Variants in KLF12 observed in about 807,000 individuals in gnomAD.
KLF12 encodes Krueppel-like factor 12.
A neutral mutation model predicts 37.8 loss-of-function variants in KLF12; 9 were observed. The observed-to-expected ratio is 0.24, with a 90% confidence interval of 0.14 to 0.42. The LOEUF (loss-of-function observed/expected upper bound fraction) is 0.42, where lower values mean the gene tolerates loss of function less well. Among genes scored for constraint, KLF12 ranks in the 10% least tolerant of loss-of-function variants. The pLI is 1.00. For missense variants in KLF12, 411 were observed against 516.0 expected (o/e 0.80, Z 1.97); for synonymous variants, 208 against 202.1 (o/e 1.03, Z -0.25).
At chr13:73,758,778 C>A (rs1346100197) in intron 6 of KLF12, among the ~76,000 whole-genome samples, 4 of 152,048 alleles carry the variant, frequency 2.6e-5, no homozygotes, top group Non-Finnish European at 5.9e-5. Context: ...ATCATCTTTA[C>A]TGTTACTAAA....
At chr13:73,891,205 T>C (rs1238331281) in intron 3 of KLF12, among the ~76,000 whole-genome samples, 1 of 152,112 alleles carries the variant, frequency 6.6e-6, no homozygotes, top group African/African-American at 2.4e-5. Flanking sequence ...TTCATGAGTA[T>C]GGGTAAGTCA....
chr13:74,021,230 G>A (rs1166033598), intron 1 of KLF12, among the ~76,000 whole-genome samples: 1 of 152,022 alleles, frequency 6.6e-6, no homozygotes, highest in Non-Finnish European at 1.5e-5. Context: ...TCATAAAATT[G>A]CTACTCACAT....
chr13:74,140,807 A>G, the KLF12 span, among the ~76,000 whole-genome samples: 1 of 152,210 alleles, frequency 6.6e-6, no homozygotes, highest in African/African-American at 2.4e-5. Flanking sequence ...TAATCCCAGC[A>G]CTTTGGGAGG....
intron 1 of KLF12, among the ~76,000 whole-genome samples, chr13:74,043,641 A>G (rs1893467629): frequency 1.3e-5 from 2 of 152,220 alleles, no homozygotes; most frequent in African/African-American, 2.4e-5. Context: ...TTGATTAATT[A>G]ATACAAAGGG....
chr13:73,848,356 G>T (rs1301359281), intron 3 of KLF12, among the ~76,000 whole-genome samples: 1 of 151,980 alleles, frequency 6.6e-6, no homozygotes, highest in Non-Finnish European at 1.5e-5. Flanking sequence ...TTGCTTGTGA[G>T]GCACCAAGTT....
At position 73,810,982 on chromosome 13, in the gene KLF12, CT is replaced by C. The variant is rs376490803; in HGVS notation, c.806+2169del. 7.9e-3 allele frequency among the ~76,000 whole-genome samples: 353 copies of C among 44,804 alleles called. 3 individuals carry two copies. The highest frequency in any genetic ancestry group is 0.027 in the African/African-American group (316 of 11,860). The allele number at this position is 44,804 out of a possible 152,430, so 29.4% of individuals were successfully genotyped here. A position where few individuals can be genotyped will look rare whatever the true frequency, so the allele number is the denominator to read the frequency against. On this transcript the variant is annotated intron_variant, in intron 5 of 7. Transcript: ENST00000377669. ...ATGTTTATTTTTTTAATTTTTCTTT[CT>C]TTTTTTTTTTTTTTTTTTTTTTTTA... is the stretch of plus-strand genomic sequence containing the variant.
intron 4 of KLF12, among the ~76,000 whole-genome samples, chr13:73,837,871 C>A (rs1445895450): frequency 6.6e-6 from 1 of 152,168 alleles, no homozygotes; most frequent in African/African-American, 2.4e-5. Flanking sequence ...CACACATAAT[C>A]ACAGGTCAGC....
chr13:73,788,588 T>G (rs1197422700), intron 5 of KLF12, among the ~76,000 whole-genome samples: 2 of 152,188 alleles, frequency 1.3e-5, no homozygotes, highest in African/African-American at 4.8e-5. Flanking sequence ...AACACCTTTG[T>G]GCTCGTATAT....
At chr13:74,140,839 A>G in the KLF12 span, among the ~76,000 whole-genome samples, 59 of 152,214 alleles carry the variant, frequency 3.9e-4, no homozygotes, top group Admixed American at 2.3e-3. Context: ...AGATCACGAG[A>G]TCAGGAGATC....
chr13:73,801,368 T>C (rs1882270930), intron 5 of KLF12: 1 of 152,110 alleles, frequency 6.6e-6, no homozygotes, highest in East Asian at 1.9e-4. Flanking sequence ...ATTTCAAATA[T>C]ATTACTCTAT....
At chr13:74,095,886 T>C (rs951403645) in intron 1 of KLF12, among the ~76,000 whole-genome samples, 28 of 152,212 alleles carry the variant, frequency 1.8e-4, no homozygotes, top group African/African-American at 6.5e-4. Context: ...TTGTCTTCAC[T>C]GAGGTATTTC....
At chr13:74,088,391 C>T (rs1341699149) in intron 1 of KLF12, among the ~76,000 whole-genome samples, 6 of 151,908 alleles carry the variant, frequency 3.9e-5, no homozygotes, top group Non-Finnish European at 5.9e-5. Context: ...CTATGCCTGG[C>T]TAGTTTTTAT....
chr13:74,053,037 T>C (rs934279102), intron 1 of KLF12, among the ~76,000 whole-genome samples: 1 of 152,222 alleles, frequency 6.6e-6, no homozygotes, highest in Non-Finnish European at 1.5e-5. Context: ...AGGAGGGCCC[T>C]TGTGTCAATC....
intron 1 of KLF12, among the ~76,000 whole-genome samples, chr13:74,111,172 G>T (rs1287096185): frequency 2.0e-5 from 3 of 150,092 alleles, no homozygotes; most frequent in Non-Finnish European, 4.4e-5. Flanking sequence ...AAAAAAGTAA[G>T]AATAATAAGA....
At chr13:74,207,449 G>A in the KLF12 span, among the ~76,000 whole-genome samples, 3 of 152,132 alleles carry the variant, frequency 2.0e-5, 1 homozygote, top group South Asian at 4.1e-4. Context: ...GCCAAGGCGG[G>A]TGGATCACAA....
intron 7 of KLF12, among the ~76,000 whole-genome samples, chr13:73,704,487 G>C (rs1264340605): frequency 6.6e-6 from 1 of 152,160 alleles, no homozygotes; most frequent in East Asian, 1.9e-4. Flanking sequence ...ACATCTGCCA[G>C]TTCTGCCTTC....
chr13:73,832,058 T>C (rs1044441305), intron 4 of KLF12, among the ~76,000 whole-genome samples: 3 of 152,248 alleles, frequency 2.0e-5, no homozygotes, highest in Non-Finnish European at 4.4e-5. Context: ...TAAAATGCTT[T>C]GAAAGACGGA....
intron 2 of KLF12, among the ~76,000 whole-genome samples, chr13:73,961,306 C>T (rs1024928771): frequency 6.6e-5 from 10 of 151,992 alleles, no homozygotes; most frequent in African/African-American, 9.7e-5. Flanking sequence ...AAAATCTTTC[C>T]GGTTTCCTGC....
chr13:73,724,420 T>A (rs941893594), intron 6 of KLF12, among the ~76,000 whole-genome samples: 4 of 152,130 alleles, frequency 2.6e-5, no homozygotes, highest in Admixed American at 2.6e-4. Flanking sequence ...TATTGAAAGT[T>A]TTTATTGCTT....
Sources: allele counts gnomAD v4.1 joint callset (sites outside exome capture counted in the v4.1 genomes callset), GRCh38; gene constraint gnomAD v4.1.1; transcripts MANE v1.5; gene names NCBI Gene and HGNC (gene_info 2026-07-23, HGNC 2026-07-21).